Variants in NCOA3 observed in about 807,000 individuals in gnomAD.
The protein encoded by NCOA3 is CBP-interacting protein.
Under a neutral mutation model 158.8 loss-of-function variants are expected in NCOA3, and 51 were observed. The observed-to-expected ratio is 0.32, with a 90% CI of 0.26 to 0.41. NCOA3 has a LOEUF of 0.41. Ranked by LOEUF, NCOA3 falls within the 10% of genes least tolerant of loss-of-function variation. NCOA3 has a pLI of 1.00. For missense variants in NCOA3, 1,510 were observed against 1,746.6 expected, an observed-to-expected ratio of 0.86 and a Z score of 2.41; for synonymous variants, 537 against 592.4, an observed-to-expected ratio of 0.91 and a Z score of 1.36.
At chr20:47,585,746 C>G (rs2085525849) in intron 2 of NCOA3, among the ~76,000 whole-genome samples, 1 of 152,094 alleles carries the variant, frequency 6.6e-6, no homozygotes, top group Non-Finnish European at 1.5e-5. Context: ...TTTGTGCTAC[C>G]TTTCCTTGGC....
chr20:47,526,447 C>G (rs1313692451), intron 1 of NCOA3, among the ~76,000 whole-genome samples: 1 of 152,174 alleles, frequency 6.6e-6, no homozygotes, highest in Admixed American at 6.5e-5. Context: ...CGAGATCACG[C>G]CACTGCACTC....
At chr20:47,526,747 C>T (rs554440027) in intron 1 of NCOA3, among the ~76,000 whole-genome samples, 76 of 151,788 alleles carry the variant, frequency 5.0e-4, no homozygotes, top group African/African-American at 1.7e-3. Flanking sequence ...AGAGGGAGAC[C>T]GTGGAAAGAG....
At chr20:47,558,080 G>C in intron 1 of NCOA3, among the ~76,000 whole-genome samples, 1 of 139,174 alleles carries the variant, frequency 7.2e-6, no homozygotes, top group South Asian at 2.3e-4. Context: ...TTTTTGAGAT[G>C]GAGTCTGTCT....
At chr20:47,519,135 CA>C (rs1175023080) in intron 1 of NCOA3, among the ~76,000 whole-genome samples, 143 of 120,862 alleles carry the variant, frequency 1.2e-3, no homozygotes, top group Admixed American at 1.4e-3. Context: ...GACTCCATCT[CA>C]AAAAAAAAAA....
chr20:47,634,796 T>C (rs2047651249), intron 10 of NCOA3, among the ~76,000 whole-genome samples: 1 of 152,180 alleles, frequency 6.6e-6, no homozygotes, highest in Non-Finnish European at 1.5e-5. Context: ...AATATGTAGA[T>C]TGGAACTGTC....
intron 1 of NCOA3, among the ~76,000 whole-genome samples, chr20:47,525,833 G>A (rs1196506617): frequency 8.0e-6 from 1 of 125,428 alleles, no homozygotes; most frequent in Admixed American, 7.4e-5. Context: ...CCCAGTAGGG[G>A]CGGCCGGGCA....
In NCOA3 at chr20:47,618,348, G is replaced by GTTTT. The variant is rs71183269; in HGVS notation, c.-19-3862_-19-3859dup. Among the ~76,000 whole-genome samples the GTTTT allele has an allele frequency of 7.5e-3, 764 of 101,320 alleles. 28 individuals carry two copies. Among genetic ancestry groups the GTTTT allele is most frequent in the East Asian group, 7.9e-3 (28 of 3,562 alleles). 66.5% of individuals were successfully genotyped at this position (101,320 alleles called of 152,430 possible). ...GATTTTAAGTTATTATTTTCCCTTA[G>GTTTT]TTTTTTTTTTTTTTTTTTTTTTATA... On this transcript the variant is annotated intron_variant, in intron 2 of 22. Transcript: ENST00000371998.
At position 47,653,497 on chromosome 20, in the gene NCOA3, C is replaced by A; in HGVS notation, c.*80C>A. ...GGATTATTGGGAAGGAATCATTGTTCCAGGCATCCATCTTGGAAGAAAGGA... is the reference window on the plus strand; with the variant it reads ...GGATTATTGGGAAGGAATCATTGTTACAGGCATCCATCTTGGAAGAAAGGA... On this transcript the variant is annotated 3_prime_UTR_variant, in exon 23 of 23. Coordinates refer to ENST00000371998, the MANE Select transcript of NCOA3 (RefSeq NM_181659.3). 1 of 1,492,792 alleles carries A rather than the reference C, an allele frequency of 6.7e-7. No individual in the cohort carries two copies. Among genetic ancestry groups the A allele is most frequent in the Non-Finnish European group, 9.2e-7 (1 of 1,086,678 alleles). 92.5% of individuals were successfully genotyped at this position (1,492,792 alleles called of 1,614,324 possible).
intron 1 of NCOA3, among the ~76,000 whole-genome samples, chr20:47,547,590 G>T (rs1176939819): frequency 1.3e-5 from 2 of 151,564 alleles, no homozygotes; most frequent in East Asian, 3.9e-4. Flanking sequence ...TTTTTTGTGT[G>T]TGTGTTTTTA....
At chr20:47,536,353 C>T (rs2084632287) in intron 1 of NCOA3, among the ~76,000 whole-genome samples, 1 of 152,162 alleles carries the variant, frequency 6.6e-6, no homozygotes, top group Non-Finnish European at 1.5e-5. Flanking sequence ...TCCTTGGCCT[C>T]CCAAAGTGTT....
chr20:47,542,134 G>A (rs2084753881), intron 1 of NCOA3, among the ~76,000 whole-genome samples: 3 of 149,436 alleles, frequency 2.0e-5, no homozygotes, highest in South Asian at 4.2e-4. Context: ...TGGCTCAAGC[G>A]ATCCTCCCAC....
chr20:47,649,405 GGAA>G (rs998959607), intron 19 of NCOA3, among the ~76,000 whole-genome samples: 36 of 152,096 alleles, frequency 2.4e-4, no homozygotes, highest in African/African-American at 8.7e-4. Flanking sequence ...TGGCTGTTTA[GGAA>G]TTTAATAAAT....
At chr20:47,542,009 G>GTTTTTTTGCTTT (rs71183262) in intron 1 of NCOA3, among the ~76,000 whole-genome samples, 1 of 56,318 alleles carries the variant, frequency 1.8e-5, no homozygotes, top group African/African-American at 7.4e-5. Flanking sequence ...GCCCTGTAGA[G>GTTTTTTTGCTTT]TTTTTTTTTT....
chr20:47,606,881 A>G (rs886367787), intron 2 of NCOA3, among the ~76,000 whole-genome samples: 3 of 152,238 alleles, frequency 2.0e-5, no homozygotes, highest in East Asian at 3.8e-4. Context: ...TTCAAGTGAA[A>G]TTATAAGTAA....
intron 1 of NCOA3, among the ~76,000 whole-genome samples, chr20:47,532,107 G>A (rs1372227424): frequency 7.8e-5 from 5 of 64,238 alleles, no homozygotes; most frequent in South Asian, 5.7e-4. Flanking sequence ...TGTAGGGGGG[G>A]ACTTGTGTGT....
chr20:47,517,103 A>G (rs2084245944), intron 1 of NCOA3, among the ~76,000 whole-genome samples: 1 of 152,178 alleles, frequency 6.6e-6, no homozygotes, highest in South Asian at 2.1e-4. Flanking sequence ...CAGTAATCCC[A>G]GCTACTCGGG....
intron 1 of NCOA3, among the ~76,000 whole-genome samples, chr20:47,564,252 T>C (rs1408497040): frequency 1.3e-5 from 2 of 152,154 alleles, no homozygotes; most frequent in Non-Finnish European, 2.9e-5. Context: ...AAAACAATCA[T>C]GTTATTTTGC....
At chr20:47,607,449 C>T (rs1050107797) in intron 2 of NCOA3, among the ~76,000 whole-genome samples, 2 of 152,120 alleles carry the variant, frequency 1.3e-5, no homozygotes, top group Admixed American at 6.6e-5. Flanking sequence ...TTTTCTTGGT[C>T]ACCTCTCCAT....
chr20:47,542,791 A>G (rs2084766361), intron 1 of NCOA3, among the ~76,000 whole-genome samples: 1 of 152,086 alleles, frequency 6.6e-6, no homozygotes, highest in African/African-American at 2.4e-5. Flanking sequence ...GCGAAACCCC[A>G]TCTATACAAA....
Sources: allele counts gnomAD v4.1 joint callset (sites outside exome capture counted in the v4.1 genomes callset), GRCh38; gene constraint gnomAD v4.1.1; transcripts MANE v1.5; gene names NCBI Gene and HGNC (gene_info 2026-07-23, HGNC 2026-07-21).